SYT16: variants seen among roughly 807,000 people sequenced by gnomAD.
SYT16 encodes the protein synaptotagmin-16.
In SYT16, 42 loss-of-function variants were observed where a neutral mutation model predicts 61.4. The observed-to-expected ratio is 0.68, with a 90% CI of 0.53 to 0.89. SYT16 has a LOEUF of 0.89. SYT16 is among the 40% of genes least tolerant of loss of function. SYT16 has a pLI of 0.00. For synonymous variants in SYT16, 314 were observed against 302.3 expected (o/e 1.04, Z -0.40); for missense variants, 804 against 807.3 (o/e 1.00, Z 0.05).
rs539285838 is a variant in SYT16 at position 61,900,673 on chromosome 14, C to G, written c.-324-69459C>G. 4.6e-5 allele frequency among the ~76,000 whole-genome samples: 7 copies of G among 152,268 alleles called. No individual in the cohort carries two copies. In the East Asian group the frequency reaches 1.4e-3, roughly 29 times the overall value. ...GCAGGGATTAGGTAGCACTGAAGGT[C>G]TTGAGGCAGGAATTGCTCAATGGGT... is the stretch of plus-strand genomic sequence containing the variant. On this transcript the variant is annotated intron_variant, in intron 1 of 7. Transcript: ENST00000683842.
chr14:62,081,170 A>G lies in SYT16; in HGVS notation c.1330A>G (p.Thr444Ala), dbSNP rs772083118. 29 of 1,613,818 alleles carry G rather than the reference A, an allele frequency of 1.8e-5. No homozygotes were observed. The highest frequency in any genetic ancestry group is 2.4e-5 in the Non-Finnish European group (28 of 1,179,888). ...CCGCCTGTACGCTGCCCGGAAGATG[A>G]CCCGAGAGAGAATGATGGGAGAGAA... Reference protein sequence around the residue: ...RFRLYAARKMTRERMMGEKLF... With the variant: ...RFRLYAARKMARERMMGEKLF... The change falls in exon 6 of 8, where the codon ACC becomes GCC. Residue 444 changes from threonine (T) to alanine (A), a missense_variant. Thr to Ala is a moderately conservative substitution (Grantham distance 58, BLOSUM62 0). Transcript: ENST00000683842.
At chr14:61,978,969 C>T (rs148000203) in intron 2 of SYT16, among the ~76,000 whole-genome samples, 21 of 152,262 alleles carry the variant, frequency 1.4e-4, no homozygotes, top group South Asian at 4.1e-4. Flanking sequence ...TTCAAGATTT[C>T]GAGACTTTTA....
chr14:61,930,153 C>T (rs1399451856), intron 1 of SYT16, among the ~76,000 whole-genome samples: 1 of 152,058 alleles, frequency 6.6e-6, no homozygotes, highest in Admixed American at 6.6e-5. Context: ...CTTTTCTGTT[C>T]TTTCCATGTG....
At chr14:61,863,251 A>G (rs1441872937) in intron 1 of SYT16, among the ~76,000 whole-genome samples, 1 of 151,842 alleles carries the variant, frequency 6.6e-6, no homozygotes, top group Non-Finnish European at 1.5e-5. Context: ...AGTGAATGAG[A>G]GTTCCTGTTG....
At chr14:61,926,399 G>A (rs1293252326) in intron 1 of SYT16, among the ~76,000 whole-genome samples, 1 of 152,140 alleles carries the variant, frequency 6.6e-6, no homozygotes, top group African/African-American at 2.4e-5. Flanking sequence ...CTTAGCTAGT[G>A]AGAGTTCAGT....
intron 4 of SYT16, among the ~76,000 whole-genome samples, chr14:62,071,378 CAACCATTCT>C (rs1203714798): frequency 2.0e-5 from 3 of 152,216 alleles, no homozygotes; most frequent in Non-Finnish European, 4.4e-5. Context: ...AGAGTTCTGA[CAACCATTCT>C]AACCCTTATC....
rs150109260 is a variant in SYT16 at position 62,055,095 on chromosome 14, GGAAA to G, written c.524-14502_524-14499del. The stretch of plus-strand genomic sequence containing the variant: ...TGATAGAGAAATATTGGGGGTTTGG[GGAAA>G]GAAAGCAAGAACAACCGTTTGGTTT... On this transcript the variant is annotated intron_variant, in intron 3 of 7. Coordinates refer to ENST00000683842, the MANE Select transcript of SYT16 (RefSeq NM_001367656.1). Among the ~76,000 whole-genome samples the G allele has an allele frequency of 8.2e-3, 1,242 of 152,284 alleles. 67 individuals carry two copies. In the East Asian group the frequency reaches 0.15, roughly 19 times the overall value.
At chr14:61,925,164 G>A (rs1012821637) in intron 1 of SYT16, among the ~76,000 whole-genome samples, 2 of 152,196 alleles carry the variant, frequency 1.3e-5, no homozygotes, top group African/African-American at 4.8e-5. Context: ...GCAGTCTCTG[G>A]CACGGTAACC....
intron 7 of SYT16, among the ~76,000 whole-genome samples, chr14:62,084,618 GT>G (rs1005088526): frequency 6.6e-6 from 1 of 152,114 alleles, no homozygotes; most frequent in African/African-American, 2.4e-5. Flanking sequence ...TGTCTATATT[GT>G]TTAAAGGAAA....
intron 5 of SYT16, chr14:62,077,660 C>T (rs1452458282): frequency 6.6e-6 from 1 of 152,248 alleles, no homozygotes; most frequent in African/African-American, 2.4e-5. Flanking sequence ...TGAGGAGCTC[C>T]TTCAGTTGCC....
chr14:61,909,541 T>C (rs2048849140), intron 1 of SYT16, among the ~76,000 whole-genome samples: 1 of 152,232 alleles, frequency 6.6e-6, no homozygotes, highest in Non-Finnish European at 1.5e-5. Context: ...CTCTCCTGTG[T>C]GACTCTTGGA....
rs35260303 is a variant in SYT16 at position 61,834,428 on chromosome 14, C to CTTT, written c.-325+21640_-325+21642dup. Reference sequence around the variant, plus strand: ...TACAGGCATGAGCCACCGTGCCTGGCTTTTTTTTTTTTTTTTTTTTTTTTG... The same window carrying CTTT: ...TACAGGCATGAGCCACCGTGCCTGGCTTTTTTTTTTTTTTTTTTTTTTTTTTTG... On this transcript the variant is annotated intron_variant, in intron 1 of 7. Transcript: ENST00000683842. Among the ~76,000 whole-genome samples, 219 of 76,864 alleles carry CTTT rather than the reference C, an allele frequency of 2.8e-3. 10 individuals are homozygous for CTTT. Among genetic ancestry groups the CTTT allele is most frequent in the African/African-American group, 7.9e-3 (121 of 15,324 alleles). The allele number at this position is 76,864 out of a possible 152,430, so 50.4% of individuals were successfully genotyped here. A position where few individuals can be genotyped will look rare whatever the true frequency, so the allele number is the denominator to read the frequency against.
chr14:61,960,848 C>T (rs2051089306), intron 1 of SYT16, among the ~76,000 whole-genome samples: 1 of 152,026 alleles, frequency 6.6e-6, no homozygotes, highest in African/African-American at 2.4e-5. Flanking sequence ...GGAGGCATCA[C>T]ATTACTTGAT....
chr14:61,875,803 A>T (rs1416462006), intron 1 of SYT16, among the ~76,000 whole-genome samples: 1 of 152,180 alleles, frequency 6.6e-6, no homozygotes, highest in Non-Finnish European at 1.5e-5. Context: ...TGGCATCTCT[A>T]TTCCCAGAGG....
chr14:61,989,461 G>C (rs2052457299), intron 2 of SYT16, among the ~76,000 whole-genome samples: 1 of 152,192 alleles, frequency 6.6e-6, no homozygotes, highest in Non-Finnish European at 1.5e-5. Flanking sequence ...TACTTGGGAG[G>C]CTGAGGCAGG....
rs567826672 is a variant in SYT16 at position 62,112,018 on chromosome 14, G to A, written c.*11311G>A. The A allele has an allele frequency of 6.6e-6, 1 of 152,054 alleles. No homozygotes were observed. Among genetic ancestry groups the A allele is most frequent in the African/African-American group, 2.4e-5 (1 of 41,428 alleles). 9.4% of individuals were successfully genotyped at this position (152,054 alleles called of 1,614,324 possible). On this transcript the variant is annotated 3_prime_UTR_variant, in exon 8 of 8. Transcript: ENST00000683842. ...GTGGATAATTTGTGTATAGGAAAAG[G>A]TGTGGAAATTTTTTAATTGTTAAAA...
At chr14:62,068,809 T>G (rs1422742262) in intron 3 of SYT16, among the ~76,000 whole-genome samples, 2 of 152,178 alleles carry the variant, frequency 1.3e-5, no homozygotes, top group Non-Finnish European at 2.9e-5. Context: ...CTTTTTCTTT[T>G]TTTTGAGACA....
At chr14:62,066,228 CAG>C (rs773743823) in intron 3 of SYT16, among the ~76,000 whole-genome samples, 7 of 152,334 alleles carry the variant, frequency 4.6e-5, no homozygotes, top group Middle Eastern at 3.4e-3. Context: ...TGTGAGTACA[CAG>C]AGTGAGAGTT....
chr14:62,084,345 A>C lies in SYT16; in HGVS notation c.1584A>C (p.Lys528Asn). ...TTGRLSVEMI[K>N]GSHFRNLAVN... ...GGCGATTATCTGTGGAAATGATCAA[A>C]GGCAGCCATTTCCGAAACCTCGCTG... The change falls in exon 7 of 8, where the codon AAA (lysine) becomes AAC (asparagine). Residue 528 changes from lysine to asparagine, a missense_variant. By Grantham distance (94) the Lys-to-Asn change is moderately conservative. Transcript: ENST00000683842. 1 of 1,613,166 alleles carries C rather than the reference A, an allele frequency of 6.2e-7. No individual in the cohort carries two copies. Among genetic ancestry groups the C allele is most frequent in the Non-Finnish European group, 8.5e-7 (1 of 1,179,796 alleles).
Sources: gnomAD v4.1 joint callset for allele counts (sites outside exome capture counted in the v4.1 genomes callset) on GRCh38, gnomAD v4.1.1 for gene constraint, MANE v1.5 for transcripts, NCBI Gene and HGNC (gene_info 2026-07-23, HGNC 2026-07-21) for gene names.